The following RGS17 variants were observed in gnomAD, a reference collection of about 807,000 sequenced individuals.
RGS17 encodes the protein regulator of G protein signaling 17, also known as regulator of G-protein signaling 17.
In RGS17, 12 loss-of-function variants were observed where a neutral mutation model predicts 25.5. The observed-to-expected ratio is 0.47, with a 90% CI of 0.30 to 0.76. The LOEUF (loss-of-function observed/expected upper bound fraction) is 0.76. Ranked by LOEUF, RGS17 falls within the 30% of genes least tolerant of loss-of-function variation. The pLI is 0.07. For synonymous variants in RGS17, 71 were observed against 76.9 expected (o/e 0.92, Z 0.40); for missense variants, 196 against 242.2 (o/e 0.81, Z 1.27).
intron 2 of RGS17, among the ~76,000 whole-genome samples, chr6:153,028,060 A>G (rs1447828248): frequency 6.6e-6 from 1 of 152,220 alleles, no homozygotes; most frequent in Non-Finnish European, 1.5e-5. Flanking sequence ...AAGTGAGGCT[A>G]GATAGGAAAA....
At chr6:153,022,782 C>T (rs564426737) in intron 4 of RGS17, among the ~76,000 whole-genome samples, 86 of 152,090 alleles carry the variant, frequency 5.7e-4, no homozygotes, top group African/African-American at 1.9e-3. Flanking sequence ...TACTAAAATT[C>T]GAGGCAGGCT....
chr6:153,082,690 T>G (rs938753076), intron 1 of RGS17, among the ~76,000 whole-genome samples: 1 of 152,214 alleles, frequency 6.6e-6, no homozygotes, highest in Non-Finnish European at 1.5e-5. Flanking sequence ...ATATTTCTCC[T>G]GGCTAAGAAT....
intron 1 of RGS17, among the ~76,000 whole-genome samples, chr6:153,090,718 C>T (rs79555052): frequency 0.078 from 11,807 of 152,312 alleles, 628 homozygotes; most frequent in East Asian, 0.18. Context: ...CTCACGCTGT[C>T]TCCAGCCCAG....
At chr6:153,102,202 G>A (rs572752872) in intron 1 of RGS17, among the ~76,000 whole-genome samples, 1 of 152,328 alleles carries the variant, frequency 6.6e-6, no homozygotes, top group Non-Finnish European at 1.5e-5. Context: ...ACACCAGCAA[G>A]GAGGACAGGA....
intron 1 of RGS17, among the ~76,000 whole-genome samples, chr6:153,088,425 T>C (rs1010037352): frequency 6.6e-6 from 1 of 152,224 alleles, no homozygotes; most frequent in Non-Finnish European, 1.5e-5. Flanking sequence ...AGATTTCATA[T>C]GCATTGAACT....
intron 1 of RGS17, among the ~76,000 whole-genome samples, chr6:153,062,879 C>T (rs1776657893): frequency 6.6e-6 from 1 of 152,152 alleles, no homozygotes; most frequent in Non-Finnish European, 1.5e-5. Context: ...CATTGCTAGA[C>T]ACACCCTGGG....
intron 1 of RGS17, among the ~76,000 whole-genome samples, chr6:153,105,929 T>C (rs1777373912): frequency 6.6e-6 from 1 of 152,150 alleles, no homozygotes; most frequent in South Asian, 2.1e-4. Context: ...GTGAACACTT[T>C]GGCACCTGCA....
At chr6:153,102,428 G>C (rs781365514) in intron 1 of RGS17, among the ~76,000 whole-genome samples, 3 of 152,176 alleles carry the variant, frequency 2.0e-5, no homozygotes, top group East Asian at 1.9e-4. Context: ...AATTATACTG[G>C]AACTCTATAT....
At chr6:153,067,553 A>G (rs1397783882) in intron 1 of RGS17, among the ~76,000 whole-genome samples, 3 of 152,174 alleles carry the variant, frequency 2.0e-5, no homozygotes, top group African/African-American at 4.8e-5. Flanking sequence ...AAGTAATCCC[A>G]TTACAACAAC....
chr6:153,051,509 T>A (rs1230032975), intron 1 of RGS17, among the ~76,000 whole-genome samples: 1 of 152,258 alleles, frequency 6.6e-6, no homozygotes, highest in East Asian at 1.9e-4. Flanking sequence ...TTTCTCCATC[T>A]TGTGCAATGG....
At chr6:153,088,488 A>AT (rs995793054) in intron 1 of RGS17, among the ~76,000 whole-genome samples, 1 of 152,026 alleles carries the variant, frequency 6.6e-6, no homozygotes, top group Non-Finnish European at 1.5e-5. Flanking sequence ...AATAAAGCAC[A>AT]TTTTTCTTAA....
At chr6:153,097,682 T>C (rs1426631117) in intron 1 of RGS17, among the ~76,000 whole-genome samples, 1 of 151,776 alleles carries the variant, frequency 6.6e-6, no homozygotes, top group Non-Finnish European at 1.5e-5. Context: ...TAGTATAGTG[T>C]GGAGGACAAG....
At chr6:153,023,698 T>C (rs1381616249) in intron 4 of RGS17, among the ~76,000 whole-genome samples, 1 of 152,226 alleles carries the variant, frequency 6.6e-6, no homozygotes, top group Non-Finnish European at 1.5e-5. Flanking sequence ...AAGGATCATT[T>C]TTCATTTCTG....
At chr6:153,078,255 G>A (rs1306298908) in intron 1 of RGS17, among the ~76,000 whole-genome samples, 1 of 152,112 alleles carries the variant, frequency 6.6e-6, no homozygotes. Context: ...GTTTTGGATA[G>A]TCTGGATGCT....
chr6:153,014,532 C>T (rs1779163848), intron 4 of RGS17, among the ~76,000 whole-genome samples: 1 of 152,184 alleles, frequency 6.6e-6, no homozygotes, highest in Non-Finnish European at 1.5e-5. Flanking sequence ...GGCGCGGTGG[C>T]TCACGCCTGT....
intron 1 of RGS17, among the ~76,000 whole-genome samples, chr6:153,128,340 G>A (rs555126121): frequency 6.6e-6 from 1 of 152,324 alleles, no homozygotes; most frequent in South Asian, 2.1e-4. Context: ...TATTCTCAGT[G>A]TTAAGTAAGC....
intron 4 of RGS17, among the ~76,000 whole-genome samples, chr6:153,019,179 C>T (rs948716216): frequency 1.3e-5 from 2 of 152,162 alleles, no homozygotes; most frequent in Non-Finnish European, 2.9e-5. Flanking sequence ...GAGGTTCCAG[C>T]GCACTAAAGC....
At chr6:153,087,832 A>C (rs1448828822) in intron 1 of RGS17, among the ~76,000 whole-genome samples, 1 of 152,146 alleles carries the variant, frequency 6.6e-6, no homozygotes, top group Admixed American at 6.6e-5. Context: ...AAGGGAGAAG[A>C]CTTCTGAGGA....
At position 153,006,354 on chromosome 6, in the gene RGS17, C is replaced by T. The variant is rs950379903; in HGVS notation, c.*5220G>A. ...TGTTTTATTTCCTTTGGAAATAAAA[C>T]TTTCAAATGATTGATCTTATTTAAA... is the stretch of plus-strand genomic sequence containing the variant. On this transcript the variant is annotated 3_prime_UTR_variant, in exon 5 of 5. Transcript: ENST00000206262. The T allele has an allele frequency of 1.3e-4, 20 of 152,514 alleles. No individual in the cohort carries two copies. Among genetic ancestry groups the T allele is most frequent in the Admixed American group, 3.3e-4 (5 of 15,268 alleles). The allele number at this position is 152,514 out of a possible 1,614,324, so 9.4% of individuals were successfully genotyped here. A position where few individuals can be genotyped will look rare whatever the true frequency, so the allele number is the denominator to read the frequency against.
Sources: allele counts gnomAD v4.1 joint callset (sites outside exome capture counted in the v4.1 genomes callset), GRCh38; gene constraint gnomAD v4.1.1; transcripts MANE v1.5; gene names NCBI Gene and HGNC (gene_info 2026-07-23, HGNC 2026-07-21).